NDUFA10: variants seen among roughly 807,000 people sequenced by gnomAD.
The protein encoded by NDUFA10 is NADH:ubiquinone oxidoreductase subunit A10.
A neutral mutation model predicts 47.8 loss-of-function variants in NDUFA10; 40 were observed. That is an observed-to-expected ratio of 0.84 (90% confidence interval 0.65 to 1.09). NDUFA10 has a LOEUF of 1.09. NDUFA10 is among the 50% of genes least tolerant of loss of function. The probability of loss-of-function intolerance (pLI) is 0.00; values close to 1 mark genes in which losing one functional copy is unlikely to be tolerated. For synonymous variants in NDUFA10, 183 were observed against 172.2 expected, an observed-to-expected ratio of 1.06 and a Z score of -0.49; for missense variants, 413 against 451.1, an observed-to-expected ratio of 0.92 and a Z score of 0.76.
intron 9 of NDUFA10, chr2:239,969,743 G>C: frequency 2.1e-6 from 1 of 471,368 alleles, no homozygotes; most frequent in South Asian, 1.5e-5. Context: ...TAATCTCTTG[G>C]CTTCTGATTC....
intron 4 of NDUFA10, among the ~76,000 whole-genome samples, chr2:239,896,826 GA>G (rs141733866): frequency 1.3e-5 from 2 of 152,012 alleles, no homozygotes; most frequent in African/African-American, 2.4e-5. Flanking sequence ...ATGTATTTTA[GA>G]AAAAAACAGC....
chr2:240,018,641 T>A lies in NDUFA10; in HGVS notation c.461-2A>T. 1 of 1,614,164 alleles carries A rather than the reference T, an allele frequency of 6.2e-7. No individual in the cohort carries two copies. Among genetic ancestry groups the A allele is most frequent in the Non-Finnish European group, 8.5e-7 (1 of 1,180,020 alleles). ...AGCGCTCCAACACAACACCTTGTCC[T>A]GTTTAAACATAGGCAAACAGAAATT... On this transcript the variant is annotated splice_acceptor_variant, in intron 3 of 9. Coordinates refer to ENST00000252711, the MANE Select transcript of NDUFA10 (RefSeq NM_004544.4). LOFTEE classifies it high-confidence loss of function.
chr2:239,907,121 C>T (rs1480622319), intron 4 of NDUFA10, among the ~76,000 whole-genome samples: 5 of 152,138 alleles, frequency 3.3e-5, no homozygotes, highest in East Asian at 3.8e-4. Flanking sequence ...TACAACCATC[C>T]GATCTGTGAC....
chr2:239,960,612 A>AT lies in NDUFA10; in HGVS notation c.*505_*506insA. On this transcript the variant is annotated 3_prime_UTR_variant, in exon 10 of 10. Coordinates refer to ENST00000252711, the MANE Select transcript of NDUFA10 (RefSeq NM_004544.4). ...ACTAAAATAAATACAGTAGGCCTTT[A>AT]GAAAAACTCTTCAGCATAATGTAAG... 9.8e-7 allele frequency: 1 copy of AT among 1,023,364 alleles called. No homozygotes were observed. The highest frequency in any genetic ancestry group is 1.2e-6 in the Non-Finnish European group (1 of 850,528). The allele number at this position is 1,023,364 out of a possible 1,614,324, so 63.4% of individuals were successfully genotyped here. A position where few individuals can be genotyped will look rare whatever the true frequency, so the allele number is the denominator to read the frequency against.
chr2:239,912,152 T>C (rs1693766408), intron 4 of NDUFA10, among the ~76,000 whole-genome samples: 1 of 152,124 alleles, frequency 6.6e-6, no homozygotes, highest in Non-Finnish European at 1.5e-5. Context: ...GCCTCAGTCC[T>C]GAAGGAGGGT....
intron 9 of NDUFA10, among the ~76,000 whole-genome samples, chr2:239,983,065 G>C (rs927765079): frequency 3.9e-5 from 6 of 152,162 alleles, no homozygotes; most frequent in Non-Finnish European, 5.9e-5. Flanking sequence ...TTCAGTATTC[G>C]CTTCCTTGTC....
chr2:239,990,981 A>T (rs904487933), intron 8 of NDUFA10, among the ~76,000 whole-genome samples: 20 of 152,194 alleles, frequency 1.3e-4, no homozygotes, highest in African/African-American at 4.8e-4. Flanking sequence ...CAACAGTCAC[A>T]TTCCCATTAC....
chr2:239,934,095 G>A (rs929184698), intron 4 of NDUFA10, among the ~76,000 whole-genome samples: 3 of 152,082 alleles, frequency 2.0e-5, no homozygotes, highest in Non-Finnish European at 4.4e-5. Context: ...GGCCCCAGGC[G>A]ATCCTCCTGC....
At chr2:239,950,507 G>A (rs1574800720) in intron 4 of NDUFA10, among the ~76,000 whole-genome samples, 1 of 151,958 alleles carries the variant, frequency 6.6e-6, no homozygotes, top group African/African-American at 2.4e-5. Flanking sequence ...AAGTGTAGAT[G>A]TAAACATTGA....
In NDUFA10 at chr2:239,945,194, C is replaced by G. The variant is rs1433548072; in HGVS notation, c.294+44880G>C. Reference sequence around the variant, plus strand: ...GCCTGACTGGGGAGGAAATGACAAGCCACTTCTCAGGTCACCGGCAGGCGT... The same window carrying G: ...GCCTGACTGGGGAGGAAATGACAAGGCACTTCTCAGGTCACCGGCAGGCGT... On this transcript the variant is annotated intron_variant, in intron 4 of 5. Coordinates refer to the NDUFA10 transcript ENST00000419408. This position sits in a 1 kb window ranked among gnomAD's most constrained non-coding sequence, Gnocchi z 4.6. Among the ~76,000 whole-genome samples the G allele has an allele frequency of 6.6e-6, 1 of 152,208 alleles. No homozygotes were observed. The highest frequency in any genetic ancestry group is 1.9e-4 in the East Asian group (1 of 5,184).
intron 8 of NDUFA10, among the ~76,000 whole-genome samples, chr2:240,003,485 C>T (rs1434918154): frequency 6.6e-6 from 1 of 152,208 alleles, no homozygotes; most frequent in African/African-American, 2.4e-5. Context: ...CAGGAAGCAG[C>T]ACAGGGCAGG....
intron 4 of NDUFA10, among the ~76,000 whole-genome samples, chr2:239,937,520 C>T (rs903604576): frequency 3.3e-5 from 5 of 152,152 alleles, no homozygotes; most frequent in African/African-American, 1.2e-4. Flanking sequence ...GCCTCGATCC[C>T]AGCTTCATTC....
rs186077571 is a variant in NDUFA10 at position 239,977,596 on chromosome 2, C to T, written c.999+12478G>A. Among the ~76,000 whole-genome samples the T allele has an allele frequency of 3.3e-3, 496 of 152,318 alleles. 1 individual carries two copies. Among genetic ancestry groups the T allele is most frequent in the Admixed American group, 7.0e-3 (107 of 15,308 alleles). On this transcript the variant is annotated intron_variant, in intron 9 of 9. Coordinates refer to ENST00000252711, the MANE Select transcript of NDUFA10 (RefSeq NM_004544.4). ...AAGACATCTCCAAAACCAATCTGTT[C>T]CAGAGAGACTCATTAGCCATCACAT... is the stretch of plus-strand genomic sequence containing the variant.
In NDUFA10 at chr2:239,945,327, G is replaced by A. The variant is rs115021664; in HGVS notation, c.294+44747C>T. On this transcript the variant is annotated intron_variant, in intron 4 of 5. Transcript: ENST00000419408. This position sits in a 1 kb window ranked among gnomAD's most constrained non-coding sequence, Gnocchi z 4.6. ...CAGGAAGACACGAGCTCACAGATCA[G>A]CAATTTGCCCAAAGTCACGCTGCTG... is the stretch of plus-strand genomic sequence containing the variant. Among the ~76,000 whole-genome samples the A allele has an allele frequency of 4.0e-3, 608 of 152,340 alleles. 1 individual carries two copies. The highest frequency in any genetic ancestry group is 0.014 in the Middle Eastern group (4 of 294).
chr2:240,012,113 G>T, intron 5 of NDUFA10: 2 of 249,276 alleles, frequency 8.0e-6, no homozygotes, highest in South Asian at 1.0e-4. Context: ...GACTCTCCCT[G>T]CATCTCTCCA....
rs111537789 is a variant in NDUFA10, at chr2:240,018,527, G to C, written c.547+26C>G. 49 of 1,614,222 alleles carry C rather than the reference G, an allele frequency of 3.0e-5. No homozygotes were observed. In the African/African-American group the frequency reaches 3.1e-4, roughly 10 times the overall value. On this transcript the variant is annotated intron_variant, in intron 4 of 9. Transcript: ENST00000252711. ...CTTGCAAAGTCGCACCACACACCCA[G>C]AAGTGGGTCTGCAATGCTGACTCAC...
chr2:239,974,554 GCCT>G (rs1198544511), intron 9 of NDUFA10, among the ~76,000 whole-genome samples: 1 of 152,256 alleles, frequency 6.6e-6, no homozygotes, highest in Non-Finnish European at 1.5e-5. Context: ...CAGAGGTGGG[GCCT>G]GGTGGGAAGT....
At chr2:240,000,220 G>T (rs1309108301) in intron 8 of NDUFA10, among the ~76,000 whole-genome samples, 1 of 152,182 alleles carries the variant, frequency 6.6e-6, no homozygotes, top group Non-Finnish European at 1.5e-5. Flanking sequence ...CCTCAGGCAG[G>T]TCCTTCAGGC....
At chr2:239,922,061 CCTT>C (rs2106368756) in intron 4 of NDUFA10, among the ~76,000 whole-genome samples, 1 of 135,434 alleles carries the variant, frequency 7.4e-6, no homozygotes, top group Admixed American at 7.7e-5. Context: ...TCCCTCCCTT[CCTT>C]CTTTCCTTCC....
Sources: gnomAD v4.1 joint callset for allele counts (sites outside exome capture counted in the v4.1 genomes callset) on GRCh38, gnomAD v4.1.1 for gene constraint, Gnocchi (gnomAD v3.1) non-coding constraint, MANE v1.5 for transcripts, NCBI Gene and HGNC (gene_info 2026-07-23, HGNC 2026-07-21) for gene names.